The following NFKBID variants were observed in gnomAD, a reference collection of about 807,000 sequenced individuals.
The protein encoded by NFKBID is NFKB inhibitor delta.
Under a neutral mutation model 53.4 loss-of-function variants are expected in NFKBID, and 26 were observed. The ratio of observed to expected loss-of-function variants is 0.49; its 90% CI spans 0.36 to 0.68. The LOEUF is 0.68. Among genes scored for constraint, NFKBID ranks in the 30% least tolerant of loss-of-function variants. The pLI, the probability that NFKBID is intolerant of heterozygous loss-of-function variation, is 0.00. For missense variants in NFKBID, 493 were observed against 614.1 expected (o/e 0.80, Z 2.08); for synonymous variants, 262 against 259.8 (o/e 1.01, Z -0.08).
At chr19:35,901,584 T>C (rs1014047829), upstream of NFKBID, 3 of 152,506 alleles carry the variant, frequency 2.0e-5, no homozygotes, top group Admixed American at 1.3e-4. Flanking sequence ...TTTTATTTTA[T>C]TATTACATTT....
chr19:35,900,700 C>T (rs954956906), upstream of NFKBID: 3 of 1,180,158 alleles, frequency 2.5e-6, no homozygotes, highest in African/African-American at 3.2e-5. Flanking sequence ...CTACTCAGTC[C>T]CCCCGGGAAG....
rs755094652 is a variant in NFKBID at position 35,896,904 on chromosome 19, T to C, written c.578+9A>G. 3 of 1,610,660 alleles carry C rather than the reference T, an allele frequency of 1.9e-6. No homozygotes were observed. The highest frequency in any genetic ancestry group is 2.5e-6 in the Non-Finnish European group (3 of 1,177,530). ...AGAGTCTGCAGACAACCCTATCCCT[T>C]ATACTCACGTGTCCCCCTCCTCATC... On this transcript the variant is annotated intron_variant, in intron 5 of 11. Coordinates refer to ENST00000641389, the Ensembl canonical transcript of NFKBID. This position sits in a 1 kb window ranked among gnomAD's most constrained non-coding sequence, Gnocchi z 5.7.
chr19:35,898,856 G>A, intron 1 of NFKBID, 34 bp from the exon 2 acceptor site: 1 of 1,498,544 alleles, frequency 6.7e-7, no homozygotes, highest in Non-Finnish European at 9.0e-7. Flanking sequence ...AGTCATCAAG[G>A]GTCCTTAAGT....
At chr19:35,895,845 G>A (rs1432966361) in intron 9 of NFKBID, 135 bp downstream of exon 9, 6 of 749,964 alleles carry the variant, frequency 8.0e-6, no homozygotes, top group Admixed American at 2.6e-5. Flanking sequence ...CTAAGGCACA[G>A]AGAAGTGAAG....
At chr19:35,898,431 A>AG in intron 3 of NFKBID, 41 bp downstream of exon 3, 2 of 1,336,776 alleles carry the variant, frequency 1.5e-6, no homozygotes, top group Non-Finnish European at 2.1e-6. Context: ...TGAGTCCCTT[A>AG]GGGAAGGGGG....
At chr19:35,898,345 T>C in intron 3 of NFKBID, 127 bp downstream of exon 3, 1 of 676,242 alleles carries the variant, frequency 1.5e-6, no homozygotes, top group South Asian at 1.7e-5. Flanking sequence ...TGAGATCCTG[T>C]CTCAGAAAAA....
intron 9 of NFKBID, among the ~76,000 whole-genome samples, chr19:35,891,695 C>T (rs924938291): frequency 5.3e-5 from 8 of 151,902 alleles, no homozygotes; most frequent in Admixed American, 1.3e-4. Context: ...ATGGTGAAAC[C>T]GTCTCTACTA....
intron 10 of NFKBID, 47 bp downstream of exon 10, chr19:35,890,327 C>G (rs761578514): frequency 7.5e-7 from 1 of 1,331,024 alleles, no homozygotes; most frequent in Non-Finnish European, 1.1e-6. Flanking sequence ...CCACTGCCCC[C>G]CCTACCGTAC....
intron 1 of NFKBID, chr19:35,899,730 G>A (rs1173837529): frequency 1.3e-5 from 2 of 151,928 alleles, no homozygotes; most frequent in African/African-American, 4.8e-5. Context: ...GGTTCCGGCG[G>A]AGGAAGGGTT....
intron 9 of NFKBID, among the ~76,000 whole-genome samples, chr19:35,891,904 A>G (rs957663901): frequency 2.1e-4 from 32 of 151,682 alleles, no homozygotes; most frequent in Non-Finnish European, 2.8e-4. Context: ...GTTTTTTGAG[A>G]CAGGGTCTCG....
At position 35,896,742 on chromosome 19, in the gene NFKBID, C is replaced by A. The variant is rs749441531; in HGVS notation, c.668G>T (p.Arg223Leu). ...AAGCCTCACCTTGCCCTTATGCTCA[C>A]GAATGTCAAGACGCCGGTACACCTG... The change falls in exon 6 of 12, where the codon CGT becomes CTT. Residue 223 changes from arginine (R) to leucine (L), a missense_variant. Arg to Leu is a moderately radical substitution (Grantham distance 102). Around this residue, in one of 2 missense-constraint regions of NFKBID, gnomAD observed 267 missense variants for 384.6 expected, o/e 0.69. Coordinates refer to ENST00000641389, the Ensembl canonical transcript of NFKBID. This position sits in a 1 kb window ranked among gnomAD's most constrained non-coding sequence, Gnocchi z 5.7. The A allele has an allele frequency of 1.2e-6, 2 of 1,613,778 alleles. No homozygotes were observed. Among genetic ancestry groups the A allele is most frequent in the Admixed American group, 3.3e-5 (2 of 59,990 alleles).
chr19:35,890,046 C>T (rs1254374913), exon 11 of NFKBID: 2 of 1,601,044 alleles, frequency 1.2e-6, no homozygotes, highest in Middle Eastern at 1.7e-4. Flanking sequence ...GGGCTGTGTT[C>T]CCGTGGGCCT....
chr19:35,897,831 C>T (rs559605225), exon 4 of NFKBID: 139 of 1,563,554 alleles, frequency 8.9e-5, no homozygotes, highest in Middle Eastern at 3.5e-4. Flanking sequence ...CCACAGTCTC[C>T]GAGTGTGCTG....
chr19:35,895,009 A>AG, intron 9 of NFKBID, among the ~76,000 whole-genome samples: 1 of 152,028 alleles, frequency 6.6e-6, no homozygotes. Flanking sequence ...GAAAAAAAAA[A>AG]AGATTTTTGA....
Position 35,896,643 on chromosome 19 carries a change from C to T in NFKBID, c.684+83G>A. On this transcript the variant is annotated intron_variant, in intron 6 of 11. Transcript: ENST00000641389. This position sits in a 1 kb window ranked among gnomAD's most constrained non-coding sequence, Gnocchi z 5.7. ...CAGCCCCAGGAGCTCACCCCCCATT[C>T]CCCTCTTCTCTAGGATCCAGGGGTC... 3.8e-6 allele frequency: 5 copies of T among 1,308,970 alleles called. No homozygotes were observed. In the South Asian group the frequency reaches 4.8e-5, roughly 13 times the overall value. The allele number at this position is 1,308,970 out of a possible 1,614,324, so 81.1% of individuals were successfully genotyped here.
rs774438972 is a variant in NFKBID at position 35,890,406 on chromosome 19, G to A, written c.1117C>T (p.Arg373Trp). 7 of 1,613,198 alleles carry A rather than the reference G, an allele frequency of 4.3e-6. No individual in the cohort carries two copies. Among genetic ancestry groups the A allele is most frequent in the South Asian group, 3.3e-5 (3 of 91,056 alleles). The stretch of plus-strand genomic sequence containing the variant: ...TTGACAAAGGTCCGCAGGTCTCCCC[G>A]GGGCAGCTCCAGCAGCAGCTGAACC... The change falls in exon 10 of 12, where the codon CGG becomes TGG. Residue 373 changes from arginine (R) to tryptophan (W), a missense_variant. Arg to Trp is a moderately radical substitution (Grantham distance 101). This residue lies in a region of NFKBID where 267 missense variants were observed against 384.6 expected (regional missense o/e 0.69). Coordinates refer to ENST00000641389, the Ensembl canonical transcript of NFKBID.
Position 35,890,491 on chromosome 19 carries a change from C to T in NFKBID, c.1033-1G>A. ...GAACTGTCTTGTTGCTCTTGATCTC[C>T]TGAGGGGAAGGGAATGGCAGAGGTC... On this transcript the variant is annotated splice_acceptor_variant, in intron 9 of 11. Coordinates refer to ENST00000641389, the Ensembl canonical transcript of NFKBID. LOFTEE classifies it high-confidence loss of function. 6.2e-7 allele frequency: 1 copy of T among 1,607,960 alleles called. No individual in the cohort carries two copies. Among genetic ancestry groups the T allele is most frequent in the Non-Finnish European group, 8.5e-7 (1 of 1,174,396 alleles).
intron 11 of NFKBID, among the ~76,000 whole-genome samples, chr19:35,889,226 A>T (rs1321005112): frequency 6.7e-6 from 1 of 149,906 alleles, no homozygotes; most frequent in African/African-American, 2.5e-5. Flanking sequence ...TGTGGTGGTG[A>T]CTGCCTGTAG....
At chr19:35,890,321 T>G (rs1249903751) in intron 10 of NFKBID, 53 bp downstream of exon 10, 2 of 1,126,510 alleles carry the variant, frequency 1.8e-6, no homozygotes, top group African/African-American at 1.6e-5. Context: ...AACATCCCAC[T>G]GCCCCCCCTA....
Sources: gnomAD v4.1 joint callset for allele counts (sites outside exome capture counted in the v4.1 genomes callset) on GRCh38, gnomAD v4.1.1 for gene constraint, gnomAD v4.1.1 regional missense constraint, Gnocchi (gnomAD v3.1) non-coding constraint, MANE v1.5 for transcripts, NCBI Gene and HGNC (gene_info 2026-07-23, HGNC 2026-07-21) for gene names.